NF1: variants seen among roughly 807,000 people sequenced by gnomAD.
The protein encoded by NF1 is neurofibromin.
In NF1, 122 loss-of-function variants were observed where a neutral mutation model predicts 325.7. The observed-to-expected ratio is 0.37, with a 90% CI of 0.32 to 0.44. The LOEUF is 0.44. NF1 is among the 20% of genes least tolerant of loss of function. The pLI is 1.00. For synonymous variants in NF1, 1,091 were observed against 1,186.0 expected (o/e 0.92, Z 1.65); for missense variants, 2,140 against 3,415.4 (o/e 0.63, Z 9.31).
rs1426286087 is a variant in NF1, at chr17:31,251,686, TAAATGATA to T, written c.4111-1251_4111-1244del. 7 of 199,976 alleles carry T rather than the reference TAAATGATA, an allele frequency of 3.5e-5. No homozygotes were observed. In the East Asian group the frequency reaches 4.7e-4, roughly 13 times the overall value. 12.4% of individuals were successfully genotyped at this position (199,976 alleles called of 1,614,324 possible). ...TAGTTTACACACAGTTTTAAGGCTATAAATGATAGTTATATACCACTGTTACTAATACA... is the reference window on the plus strand; with the variant it reads ...TAGTTTACACACAGTTTTAAGGCTATGTTATATACCACTGTTACTAATACA... On this transcript the variant is annotated intron_variant, in intron 30 of 57. Transcript: ENST00000358273.
intron 12 of NF1, among the ~76,000 whole-genome samples, chr17:31,208,631 C>T (rs920889643): frequency 2.0e-5 from 3 of 152,168 alleles, no homozygotes; most frequent in African/African-American, 4.8e-5. Flanking sequence ...TGGCTAACGT[C>T]TGTAATCCCA....
intron 36 of NF1, among the ~76,000 whole-genome samples, chr17:31,310,940 CTTT>C (rs77429998): frequency 2.3e-5 from 3 of 130,868 alleles, no homozygotes; most frequent in African/African-American, 8.4e-5. Flanking sequence ...AAGACATGTT[CTTT>C]TTTTTTTTTT....
intron 12 of NF1, among the ~76,000 whole-genome samples, chr17:31,206,638 T>G (rs547147715): frequency 2.0e-5 from 3 of 152,278 alleles, no homozygotes; most frequent in Admixed American, 1.3e-4. Flanking sequence ...CTTTTTTTTC[T>G]GTTTTTAAAG....
intron 47 of NF1, among the ~76,000 whole-genome samples, chr17:31,341,617 G>GTGTGTGTGTGTGTATGTA (rs35130430): frequency 6.7e-6 from 1 of 148,268 alleles, no homozygotes; most frequent in South Asian, 2.2e-4. Flanking sequence ...GTGTGTGTGT[G>GTGTGTGTGTGTGTATGTA]TGTACACACA....
At chr17:31,151,079 A>G (rs1033312692) in intron 1 of NF1, among the ~76,000 whole-genome samples, 4 of 152,154 alleles carry the variant, frequency 2.6e-5, no homozygotes, top group Non-Finnish European at 2.9e-5. Flanking sequence ...GATGCTCCAC[A>G]TAATGACATT....
chr17:31,321,933 T>C (rs947439626), intron 36 of NF1: 1 of 152,222 alleles, frequency 6.6e-6, no homozygotes, highest in African/African-American at 2.4e-5. Flanking sequence ...AAAAGACTTA[T>C]TTGAAATCTA....
chr17:31,137,308 G>C (rs1258229062), intron 1 of NF1: 1 of 152,196 alleles, frequency 6.6e-6, no homozygotes, highest in Admixed American at 6.5e-5. Context: ...ACTACAATTA[G>C]ATGTATGTAA....
intron 17 of NF1, 87 bp downstream of exon 17, chr17:31,225,337 A>G: frequency 7.0e-7 from 1 of 1,425,300 alleles, no homozygotes; most frequent in African/African-American, 1.4e-5. Context: ...TCTAGGTAAT[A>G]TAGTGTAATA....
chr17:31,271,132 C>A (rs2067886329), intron 36 of NF1, among the ~76,000 whole-genome samples: 1 of 152,150 alleles, frequency 6.6e-6, no homozygotes, highest in Admixed American at 6.5e-5. Context: ...TAATTGTATG[C>A]TTGGGTAAAT....
chr17:31,220,838 G>A (rs753001720), intron 14 of NF1, among the ~76,000 whole-genome samples: 6 of 152,096 alleles, frequency 3.9e-5, no homozygotes, highest in Non-Finnish European at 7.4e-5. Flanking sequence ...ACTAGTGCCA[G>A]TAAATTGTAC....
intron 36 of NF1, among the ~76,000 whole-genome samples, chr17:31,324,943 C>G (rs964425232): frequency 6.6e-6 from 1 of 152,168 alleles, no homozygotes; most frequent in Non-Finnish European, 1.5e-5. Flanking sequence ...TCACCAGAAT[C>G]ATCACATATG....
intron 15 of NF1, 152 bp from the exon 16 acceptor site, chr17:31,223,292 A>G: frequency 1.1e-6 from 1 of 886,716 alleles, no homozygotes; most frequent in Non-Finnish European, 1.8e-6. Flanking sequence ...AATGCTATTG[A>G]CACTTTGATA....
At chr17:31,161,784 C>G (rs1032646375) in intron 3 of NF1, among the ~76,000 whole-genome samples, 1 of 152,090 alleles carries the variant, frequency 6.6e-6, no homozygotes, top group African/African-American at 2.4e-5. Context: ...GCCTGGAATC[C>G]CAGCACTTTG....
intron 57 of NF1, among the ~76,000 whole-genome samples, chr17:31,362,519 A>G (rs1044849457): frequency 2.0e-5 from 3 of 152,150 alleles, no homozygotes; most frequent in African/African-American, 4.8e-5. Flanking sequence ...CTGTTTGATT[A>G]TCTATCTACT....
At chr17:31,335,169 A>G in intron 40 of NF1, 138 bp downstream of exon 40, 1 of 696,572 alleles carries the variant, frequency 1.4e-6, no homozygotes, top group Non-Finnish European at 2.4e-6. Flanking sequence ...GAAAGCATGT[A>G]GACACTCACC....
In NF1 at chr17:31,377,471, C is replaced by G. The variant is rs577718759; in HGVS notation, c.*3316C>G. The G allele has an allele frequency of 4.3e-6, 1 of 232,848 alleles. No individual in the cohort carries two copies. The highest frequency in any genetic ancestry group is 2.2e-5 in the African/African-American group (1 of 45,264). The allele number at this position is 232,848 out of a possible 1,614,324, so 14.4% of individuals were successfully genotyped here. On this transcript the variant is annotated 3_prime_UTR_variant, in exon 58 of 58. Transcript: ENST00000358273. ...CATCCGGGCCTAAACTTTGGCAGTT[C>G]CTTTGTCTACAACCTTGTTAATACT...
intron 8 of NF1, among the ~76,000 whole-genome samples, chr17:31,184,465 C>T (rs1280092063): frequency 5.3e-5 from 8 of 151,202 alleles, no homozygotes; most frequent in African/African-American, 4.8e-5. Context: ...CTGGCTAACA[C>T]GGTGAAACCC....
Position 31,193,219 on chromosome 17 carries a change from A to G in NF1, c.889-7203A>G, listed in dbSNP as rs61435306. Among the ~76,000 whole-genome samples, 1,195 of 152,308 alleles carry G rather than the reference A, an allele frequency of 7.8e-3. 21 individuals carry two copies. Among genetic ancestry groups the G allele is most frequent in the African/African-American group, 0.028 (1,145 of 41,562 alleles). On this transcript the variant is annotated intron_variant, in intron 8 of 57. Transcript: ENST00000358273. ...TAACTAAATACTTAGTTTCTCACTAAAAACAGCCATTTTTATTAAGTCCTT... is the reference window on the plus strand; with the variant it reads ...TAACTAAATACTTAGTTTCTCACTAGAAACAGCCATTTTTATTAAGTCCTT...
At chr17:31,363,931 C>T (rs527562241) in intron 57 of NF1, among the ~76,000 whole-genome samples, 2 of 150,612 alleles carry the variant, frequency 1.3e-5, no homozygotes, top group South Asian at 4.2e-4. Context: ...AGTAGAAACC[C>T]GGTTTCCCCA....
Sources: gnomAD v4.1 joint callset for allele counts (sites outside exome capture counted in the v4.1 genomes callset) on GRCh38, gnomAD v4.1.1 for gene constraint, MANE v1.5 for transcripts, NCBI Gene and HGNC (gene_info 2026-07-23, HGNC 2026-07-21) for gene names.